Variants in SH3BP5 observed in about 807,000 individuals in gnomAD.
The protein encoded by SH3BP5 is SH3 domain binding protein 5, also known as SH3 domain-binding protein 5.
Under a neutral mutation model 43.3 loss-of-function variants are expected in SH3BP5, and 22 were observed. That is an observed-to-expected ratio of 0.51 (90% CI 0.36 to 0.73). The LOEUF is 0.73. Ranked by LOEUF, SH3BP5 falls within the 30% of genes least tolerant of loss-of-function variation. The pLI, the probability that SH3BP5 is intolerant of heterozygous loss-of-function variation, is 0.00. For synonymous variants in SH3BP5, 255 were observed against 225.8 expected (o/e 1.13, Z -1.16); for missense variants, 529 against 586.9 (o/e 0.90, Z 1.02).
intron 3 of SH3BP5, among the ~76,000 whole-genome samples, chr3:15,283,922 G>T (rs1160523576): frequency 3.3e-5 from 5 of 152,184 alleles, no homozygotes; most frequent in African/African-American, 1.2e-4. Flanking sequence ...GCCCTGCTTA[G>T]AAGTATTGTC....
intron 1 of SH3BP5, among the ~76,000 whole-genome samples, chr3:15,340,834 C>T (rs953992094): frequency 9.2e-5 from 14 of 152,006 alleles, no homozygotes; most frequent in Non-Finnish European, 1.5e-4. Context: ...GGGCGGATCA[C>T]CTGAGGTTGG....
intron 3 of SH3BP5, among the ~76,000 whole-genome samples, chr3:15,299,207 A>G (rs1697661254): frequency 6.6e-6 from 1 of 152,220 alleles, no homozygotes; most frequent in South Asian, 2.1e-4. Flanking sequence ...CCATATGCTG[A>G]AGGCCAGATG....
intron 1 of SH3BP5, among the ~76,000 whole-genome samples, chr3:15,337,791 T>C (rs1698719093): frequency 6.6e-6 from 1 of 151,164 alleles, no homozygotes; most frequent in African/African-American, 2.4e-5. Flanking sequence ...GGTGTGTACC[T>C]ATAGTCCTAA....
chr3:15,260,872 G>C (rs894266180), intron 5 of SH3BP5, among the ~76,000 whole-genome samples: 2 of 152,292 alleles, frequency 1.3e-5, no homozygotes, highest in Middle Eastern at 3.4e-3. Context: ...TACTCTTCTC[G>C]GAGTCTGAAA....
chr3:15,260,249 CTG>C (rs1696385658), intron 5 of SH3BP5: 1 of 184,096 alleles, frequency 5.4e-6, no homozygotes, highest in Admixed American at 5.3e-5. Context: ...CTGAAGTCAA[CTG>C]GGGAAGAGAG....
At chr3:15,304,357 C>A in intron 2 of SH3BP5, 126 bp from the exon 3 acceptor site, 14 of 1,404,614 alleles carry the variant, frequency 1.0e-5, no homozygotes, top group Non-Finnish European at 1.3e-5. Flanking sequence ...AAAGTAGCAC[C>A]TTTACAAGAC....
At chr3:15,318,556 T>C (rs1210693788) in intron 2 of SH3BP5, among the ~76,000 whole-genome samples, 3 of 120,882 alleles carry the variant, frequency 2.5e-5, no homozygotes, top group Admixed American at 8.5e-5. Flanking sequence ...AAAGCTTTCC[T>C]ATGTTTTTGT....
intron 3 of SH3BP5, among the ~76,000 whole-genome samples, chr3:15,288,786 G>A (rs1203475464): frequency 6.6e-6 from 1 of 152,092 alleles, no homozygotes; most frequent in Non-Finnish European, 1.5e-5. Context: ...CAATGCTCTG[G>A]GTAAGACATG....
intron 3 of SH3BP5, among the ~76,000 whole-genome samples, chr3:15,299,598 A>G (rs1249588959): frequency 6.7e-6 from 1 of 150,288 alleles, no homozygotes; most frequent in Non-Finnish European, 1.5e-5. Context: ...TGCTCAAGCA[A>G]TCCTCCTGCT....
intron 7 of SH3BP5, 37 bp downstream of exon 7, chr3:15,258,793 GA>G: frequency 6.5e-7 from 1 of 1,545,380 alleles, no homozygotes; most frequent in South Asian, 1.1e-5. Flanking sequence ...CACACAGTCT[GA>G]TATCTCCCCA....
intron 1 of SH3BP5, among the ~76,000 whole-genome samples, chr3:15,331,269 AT>A (rs558521039): frequency 3.3e-5 from 5 of 152,224 alleles, no homozygotes; most frequent in African/African-American, 1.2e-4. Flanking sequence ...TAATGCAAGG[AT>A]TTTTTTTCCA....
At chr3:15,271,389 A>T (rs997592376) in intron 3 of SH3BP5, among the ~76,000 whole-genome samples, 1 of 152,132 alleles carries the variant, frequency 6.6e-6, no homozygotes, top group Non-Finnish European at 1.5e-5. Flanking sequence ...TAAAGATTAA[A>T]TTCACAGAGG....
intron 2 of SH3BP5, among the ~76,000 whole-genome samples, chr3:15,324,535 C>T (rs945138692): frequency 3.3e-5 from 5 of 152,150 alleles, no homozygotes; most frequent in Non-Finnish European, 1.5e-5. Flanking sequence ...ACCGGGCAGC[C>T]TGCCACCAGG....
intron 3 of SH3BP5, among the ~76,000 whole-genome samples, chr3:15,289,491 G>A (rs138947852): frequency 2.9e-4 from 44 of 152,256 alleles, no homozygotes; most frequent in Non-Finnish European, 5.9e-4. Flanking sequence ...CAGAACACTC[G>A]GTTTCAGTGA....
chr3:15,261,766 A>G (rs977802113), intron 5 of SH3BP5, among the ~76,000 whole-genome samples: 1 of 152,154 alleles, frequency 6.6e-6, no homozygotes, highest in Admixed American at 6.5e-5. Context: ...CACAGGAAAC[A>G]TGTATTGTGA....
chr3:15,271,852 A>G (rs1696808111), intron 3 of SH3BP5, among the ~76,000 whole-genome samples: 1 of 152,106 alleles, frequency 6.6e-6, no homozygotes, highest in Admixed American at 6.5e-5. Context: ...TGCATGAGAA[A>G]TCAGCACTGA....
chr3:15,298,252 G>A (rs968170961), intron 3 of SH3BP5, among the ~76,000 whole-genome samples: 1 of 152,100 alleles, frequency 6.6e-6, no homozygotes, highest in African/African-American at 2.4e-5. Flanking sequence ...ACAGGCCTGA[G>A]ATCCCTCAAT....
At chr3:15,268,106 G>T (rs1207812704) in intron 4 of SH3BP5, among the ~76,000 whole-genome samples, 1 of 152,196 alleles carries the variant, frequency 6.6e-6, no homozygotes, top group Non-Finnish European at 1.5e-5. Context: ...AGCTCTGTGA[G>T]CATCACGCCC....
chr3:15,260,722 A>C (rs1171104137), intron 5 of SH3BP5: 1 of 152,312 alleles, frequency 6.6e-6, no homozygotes, highest in African/African-American at 2.4e-5. Context: ...CAAAAGGAAC[A>C]TGAGCATCCA....
Sources: gnomAD v4.1 joint callset for allele counts (sites outside exome capture counted in the v4.1 genomes callset) on GRCh38, gnomAD v4.1.1 for gene constraint, MANE v1.5 for transcripts, NCBI Gene and HGNC (gene_info 2026-07-23, HGNC 2026-07-21) for gene names.